Variants in EIF2AK4 observed in about 807,000 individuals in gnomAD.
EIF2AK4 encodes eukaryotic translation initiation factor 2 alpha kinase 4.
Under a neutral mutation model 211.1 loss-of-function variants are expected in EIF2AK4, and 139 were observed. That is an observed-to-expected ratio of 0.66 (90% CI 0.57 to 0.76). The LOEUF (loss-of-function observed/expected upper bound fraction) is 0.76, where lower values mean the gene tolerates loss of function less well. EIF2AK4 is among the 30% of genes least tolerant of loss of function. EIF2AK4 has a pLI of 0.00. For missense variants in EIF2AK4, 1,664 were observed against 2,043.8 expected, an observed-to-expected ratio of 0.81 and a Z score of 3.58; for synonymous variants, 710 against 751.3, an observed-to-expected ratio of 0.94 and a Z score of 0.90.
chr15:40,020,878 A>G, intron 30 of EIF2AK4, 21 bp from the exon 31 acceptor site: 1 of 1,599,506 alleles, frequency 6.3e-7, no homozygotes, highest in Non-Finnish European at 8.5e-7. Flanking sequence ...TCTAACTGTA[A>G]CCGGTCTGTT....
At position 40,020,906 on chromosome 15, in the gene EIF2AK4, T is replaced by A; in HGVS notation, c.4181T>A (p.Ile1394Lys). The change falls in exon 31 of 39, where the codon ATA becomes AAA. Residue 1394 changes from isoleucine (I) to lysine (K), a missense_variant. Ile to Lys is a moderately radical substitution (Grantham distance 102). This residue lies in a region of EIF2AK4 where 622 missense variants were observed against 796.8 expected (regional missense o/e 0.78). Transcript: ENST00000263791. The part of the protein sequence containing the change: ...AVLNMEESVT[I>K]SSCDLLVVSV... ...GGTCTGTTTCTGATCCAGGTTACAA[T>A]AAGCTCTTGTGACCTCCTGGTTGTA... 8 of 1,610,416 alleles carry A rather than the reference T, an allele frequency of 5.0e-6. No homozygotes were observed. Among genetic ancestry groups the A allele is most frequent in the Non-Finnish European group, 6.8e-6 (8 of 1,178,314 alleles).
At chr15:39,973,876 G>T in intron 11 of EIF2AK4, 127 bp downstream of exon 11, 1 of 1,041,324 alleles carries the variant, frequency 9.6e-7, no homozygotes. Context: ...TGGATACTAT[G>T]CTCATCCTCA....
rs75241557 is a variant in EIF2AK4 at position 39,976,225 on chromosome 15, G to C, written c.1819-189G>C. Among the ~76,000 whole-genome samples, 9,197 of 152,256 alleles carry C rather than the reference G, an allele frequency of 0.06. 460 individuals carry two copies. The highest frequency in any genetic ancestry group is 0.28 in the East Asian group (1,450 of 5,172). ...AAGCTAAATATATCTAGAGTCGGGT[G>C]GGCTGTTTTCTGAATTTTGTGGCAG... On this transcript the variant is annotated intron_variant, in intron 11 of 38. Coordinates refer to ENST00000263791, the MANE Select transcript of EIF2AK4 (RefSeq NM_001013703.4).
rs771496641 is a variant in EIF2AK4, at chr15:39,990,161, T to G, written c.2527-112T>G. ...AGACAGCCTGGACCAGGGTGGTCTG[T>G]GGGAGAAGACCTCATACGATTTTCA... On this transcript the variant is annotated intron_variant, in intron 15 of 38. Transcript: ENST00000263791. 25 of 981,282 alleles carry G rather than the reference T, an allele frequency of 2.5e-5. No homozygotes were observed. In the Middle Eastern group the frequency reaches 6.4e-4, roughly 25 times the overall value. 60.8% of individuals were successfully genotyped at this position (981,282 alleles called of 1,614,324 possible).
chr15:39,939,446 A>G, intron 1 of EIF2AK4, 59 bp from the exon 2 acceptor site: 2 of 998,494 alleles, frequency 2.0e-6, no homozygotes, highest in Non-Finnish European at 2.9e-6. Context: ...CATTATCTTA[A>G]TCATTAATGA....
At chr15:39,998,633 AT>A in intron 19 of EIF2AK4, 97 bp from the exon 20 acceptor site, 1 of 958,940 alleles carries the variant, frequency 1.0e-6, no homozygotes. Context: ...TTGCTAGCAA[AT>A]TTTTATTTCT....
chr15:40,022,881 C>T (rs1001941242), intron 32 of EIF2AK4, among the ~76,000 whole-genome samples: 1 of 152,146 alleles, frequency 6.6e-6, no homozygotes, highest in Non-Finnish European at 1.5e-5. Context: ...CTGCAGGTGC[C>T]CGCCACCACG....
At chr15:39,960,277 G>A (rs2034452657) in intron 6 of EIF2AK4, among the ~76,000 whole-genome samples, 1 of 152,004 alleles carries the variant, frequency 6.6e-6, no homozygotes, top group Admixed American at 6.6e-5. Context: ...GAGAGGATGT[G>A]TAGGATTGGA....
At chr15:39,971,839 T>A (rs187924160) in intron 9 of EIF2AK4, among the ~76,000 whole-genome samples, 16 of 152,298 alleles carry the variant, frequency 1.1e-4, no homozygotes, top group Admixed American at 8.5e-4. Flanking sequence ...AAAGCACAGA[T>A]CACTGTCCAA....
In EIF2AK4 at chr15:39,965,825, T is replaced by C. The variant is rs1482983999; in HGVS notation, c.999T>C (p.Ile333=). ...TTACCAGTCAAGAAAAAGAGAAGAT[T>C]GATAAGTGCAAAAAGCAGGTAAGCA... ...PFLTSQEKEK[I]DKCKKQIQGT... The change falls in exon 8 of 39, where the codon ATT becomes ATC. Residue 333 remains isoleucine (I), a synonymous_variant. Transcript: ENST00000263791. 1.2e-6 allele frequency: 2 copies of C among 1,613,808 alleles called. No individual in the cohort carries two copies. The highest frequency in any genetic ancestry group is 2.2e-5 in the South Asian group (2 of 91,062).
chr15:40,021,271 G>A (rs1257827748), intron 31 of EIF2AK4, among the ~76,000 whole-genome samples: 1 of 152,190 alleles, frequency 6.6e-6, no homozygotes, highest in Non-Finnish European at 1.5e-5. Context: ...AAATTCAACA[G>A]GGCTGGCTCC....
At chr15:39,974,739 A>G (rs1440159085) in intron 11 of EIF2AK4, 4 of 152,224 alleles carry the variant, frequency 2.6e-5, no homozygotes, top group Non-Finnish European at 4.4e-5. Context: ...AATGATAGGC[A>G]AGCTCATATA....
At chr15:39,952,242 T>C (rs2034328173) in intron 4 of EIF2AK4, among the ~76,000 whole-genome samples, 1 of 152,168 alleles carries the variant, frequency 6.6e-6, no homozygotes, top group African/African-American at 2.4e-5. Flanking sequence ...GGATTGTTTC[T>C]TTTTCCATCC....
intron 33 of EIF2AK4, 149 bp from the exon 34 acceptor site, chr15:40,029,257 T>C: frequency 7.3e-7 from 1 of 1,362,194 alleles, no homozygotes; most frequent in Non-Finnish European, 9.5e-7. Flanking sequence ...AAATGCAAAT[T>C]TTTTGTTTTT....
chr15:39,983,632 G>T (rs374313986), intron 13 of EIF2AK4, among the ~76,000 whole-genome samples: 6 of 152,292 alleles, frequency 3.9e-5, no homozygotes, highest in African/African-American at 1.2e-4. Flanking sequence ...GGTAGAGAAG[G>T]GGTTTCTCCT....
chr15:39,991,462 T>G (rs2034943651), intron 16 of EIF2AK4: 1 of 152,270 alleles, frequency 6.6e-6, no homozygotes, highest in African/African-American at 2.4e-5. Context: ...AGCATGATAT[T>G]GGACAATTAA....
chr15:40,011,228 T>C (rs1595428360), intron 26 of EIF2AK4, 53 bp from the exon 27 acceptor site: 23 of 1,473,880 alleles, frequency 1.6e-5, no homozygotes, highest in Non-Finnish European at 2.0e-5. Context: ...AATTGTGTCT[T>C]GTTCAGTGCC....
At chr15:39,957,173 T>C (rs551080436) in intron 6 of EIF2AK4, among the ~76,000 whole-genome samples, 1 of 152,328 alleles carries the variant, frequency 6.6e-6, no homozygotes, top group East Asian at 1.9e-4. Flanking sequence ...ATGATATAAA[T>C]AAGTCTTTTC....
chr15:39,960,813 C>A (rs1300093428), intron 6 of EIF2AK4, among the ~76,000 whole-genome samples: 1 of 152,108 alleles, frequency 6.6e-6, no homozygotes. Flanking sequence ...CTCAAAGTCA[C>A]CCACAAAGAA....
Sources: gnomAD v4.1 joint callset for allele counts (sites outside exome capture counted in the v4.1 genomes callset) on GRCh38, gnomAD v4.1.1 for gene constraint, gnomAD v4.1.1 regional missense constraint, MANE v1.5 for transcripts, NCBI Gene and HGNC (gene_info 2026-07-23, HGNC 2026-07-21) for gene names.